Variants in ASZ1 observed in about 807,000 individuals in gnomAD.
The protein encoded by ASZ1 is ankyrin repeat, SAM and basic leucine zipper domain containing 1, also known as ankyrin repeat, SAM and basic leucine zipper domain-containing protein 1.
A neutral mutation model predicts 61.8 loss-of-function variants in ASZ1; 67 were observed. The ratio of observed to expected loss-of-function variants is 1.08; its 90% CI spans 0.89 to 1.33. The LOEUF (loss-of-function observed/expected upper bound fraction) is 1.33. ASZ1 is among the 40% of genes most tolerant of loss of function. The pLI, the probability that ASZ1 is intolerant of heterozygous loss-of-function variation, is 0.00. For missense variants in ASZ1, 577 were observed against 554.5 expected (o/e 1.04, Z -0.41); for synonymous variants, 193 against 192.7 (o/e 1.00, Z -0.01).
At chr7:117,379,571 G>A (rs1309242264) in intron 10 of ASZ1, among the ~76,000 whole-genome samples, 1 of 151,516 alleles carries the variant, frequency 6.6e-6, no homozygotes, top group African/African-American at 2.4e-5. Context: ...TTTTCTTATT[G>A]CCCTAAGTGA....
chr7:117,402,648 T>G (rs893012801), intron 4 of ASZ1, among the ~76,000 whole-genome samples: 2 of 152,168 alleles, frequency 1.3e-5, no homozygotes, highest in African/African-American at 4.8e-5. Context: ...CCATCTTGAC[T>G]AAGTGGTATA....
chr7:117,403,833 A>G (rs1339251393), intron 4 of ASZ1, among the ~76,000 whole-genome samples: 1 of 152,136 alleles, frequency 6.6e-6, no homozygotes, highest in Admixed American at 6.5e-5. Context: ...GGTGAGTGGC[A>G]GGTGAGCGAG....
At chr7:117,382,858 G>T in intron 7 of ASZ1, 128 bp downstream of exon 7, 5 of 1,066,318 alleles carry the variant, frequency 4.7e-6, no homozygotes, top group Non-Finnish European at 4.8e-6. Context: ...TAAAAACCCA[G>T]ACATTTAAAA....
chr7:117,368,516 C>A, intron 11 of ASZ1, 96 bp downstream of exon 11: 1 of 1,498,198 alleles, frequency 6.7e-7, no homozygotes, highest in East Asian at 2.4e-5. Context: ...GATGTAATTT[C>A]AGCAAATCAA....
chr7:117,411,452 G>A (rs1406898930), intron 4 of ASZ1, among the ~76,000 whole-genome samples: 1 of 151,784 alleles, frequency 6.6e-6, no homozygotes, highest in Non-Finnish European at 1.5e-5. Flanking sequence ...TTTTATCCAT[G>A]ATATTGTTCA....
At chr7:117,368,222 C>T in intron 11 of ASZ1, 1 of 963,036 alleles carries the variant, frequency 1.0e-6, no homozygotes. Flanking sequence ...CCACTATGCC[C>T]AGCCACTTAC....
chr7:117,365,998 G>A (rs572378411), intron 12 of ASZ1, among the ~76,000 whole-genome samples: 18 of 152,338 alleles, frequency 1.2e-4, no homozygotes, highest in Middle Eastern at 3.4e-3. Flanking sequence ...GCGCAATGGC[G>A]CACACCAGTA....
rs1364142134 is a variant in ASZ1 at position 117,363,663 on chromosome 7, G to A, written c.1361C>T (p.Thr454Ile). The A allele has an allele frequency of 1.2e-6, 2 of 1,609,952 alleles. No individual in the cohort carries two copies. The highest frequency in any genetic ancestry group is 1.7e-6 in the Non-Finnish European group (2 of 1,177,960). The change falls in exon 13 of 13, where the codon ACA (threonine) becomes ATA (isoleucine). Residue 454 changes from threonine (T) to isoleucine (I), a missense_variant. Physicochemically the swap from Thr to Ile is moderately conservative, Grantham distance 89. Transcript: ENST00000284629. ...ACCGAATCCGCATATGGTAATAGCTGTCCTCTTCAAAATTCTACTATTCCA... is the reference window on the plus strand; with the variant it reads ...ACCGAATCCGCATATGGTAATAGCTATCCTCTTCAAAATTCTACTATTCCA... The part of the protein sequence containing the change: ...STWNSRILKR[T>I]AITICGFGFL...
chr7:117,404,328 CT>C (rs746442030), intron 4 of ASZ1, among the ~76,000 whole-genome samples: 3,105 of 137,462 alleles, frequency 0.023, 99 homozygotes, highest in African/African-American at 0.075. Flanking sequence ...ATTAGGCTGT[CT>C]TTTTTTTTTT....
intron 5 of ASZ1, 29 bp from the exon 6 acceptor site, chr7:117,384,889 T>C: frequency 6.5e-7 from 1 of 1,538,618 alleles, no homozygotes; most frequent in South Asian, 1.3e-5. Context: ...GAAGATTGTT[T>C]AAAGAGAAGG....
intron 4 of ASZ1, among the ~76,000 whole-genome samples, chr7:117,409,704 G>A (rs1313905672): frequency 1.3e-5 from 2 of 151,660 alleles, no homozygotes; most frequent in Non-Finnish European, 3.0e-5. Flanking sequence ...ATATGTATAC[G>A]AGCTAAAACA....
chr7:117,415,716 G>GA (rs377340926), intron 4 of ASZ1, among the ~76,000 whole-genome samples: 1 of 150,872 alleles, frequency 6.6e-6, no homozygotes, highest in Non-Finnish European at 1.5e-5. Context: ...AAAGAAAACT[G>GA]AAAAAAATGA....
intron 4 of ASZ1, among the ~76,000 whole-genome samples, chr7:117,414,588 C>G (rs949280506): frequency 6.6e-6 from 1 of 152,074 alleles, no homozygotes; most frequent in African/African-American, 2.4e-5. Context: ...CACCCATAAA[C>G]CCGTCACCTA....
chr7:117,384,783 T>C lies in ASZ1; in HGVS notation c.630A>G (p.Leu210=), dbSNP rs1342956505. The change falls in exon 6 of 13, where the codon CTA becomes CTG. Residue 210 remains leucine (L), a synonymous_variant. Coordinates refer to ENST00000284629, the MANE Select transcript of ASZ1 (RefSeq NM_130768.3). ...KLLELGANKM[L]QTKDGKMPSE... ...TTGGCATCTTTCCATCTTTGGTTTG[T>C]AGCATTTTATTAGCTCCAAGTTCAA... 2 of 1,611,664 alleles carry C rather than the reference T, an allele frequency of 1.2e-6. No homozygotes were observed. The highest frequency in any genetic ancestry group is 8.5e-7 in the Non-Finnish European group (1 of 1,179,110).
chr7:117,376,979 AT>A (rs1796149281), intron 10 of ASZ1, among the ~76,000 whole-genome samples: 1 of 152,174 alleles, frequency 6.6e-6, no homozygotes, highest in Non-Finnish European at 1.5e-5. Context: ...AAAGGAAAAA[AT>A]TAACCTCTTT....
rs1439906516 is a variant in ASZ1, at chr7:117,401,379, C to A, written c.441-15570G>T. Among the ~76,000 whole-genome samples, 4 of 109,792 alleles carry A rather than the reference C, an allele frequency of 3.6e-5. No homozygotes were observed. The East Asian group carries it at 9.5e-4, about 26-fold the overall frequency. The allele number at this position is 109,792 out of a possible 152,430, so 72.0% of individuals were successfully genotyped here. A position where few individuals can be genotyped will look rare whatever the true frequency, so the allele number is the denominator to read the frequency against. On this transcript the variant is annotated intron_variant, in intron 4 of 12. Coordinates refer to ENST00000284629, the MANE Select transcript of ASZ1 (RefSeq NM_130768.3). The stretch of plus-strand genomic sequence containing the variant: ...TATACATAGGGATATCATAGCAAAG[C>A]TGTTTTTTTTTTTTTAAAAAAAAAG...
Position 117,426,765 on chromosome 7 carries a change from CT to C in ASZ1, c.205+70del, listed in dbSNP as rs200203334. The C allele has an allele frequency of 1.2e-3, 1,595 of 1,329,296 alleles. 21 individuals are homozygous for C. In the African/African-American group the frequency reaches 0.022, roughly 18 times the overall value. The allele number at this position is 1,329,296 out of a possible 1,614,324, so 82.3% of individuals were successfully genotyped here. On this transcript the variant is annotated intron_variant, in intron 2 of 12. Transcript: ENST00000284629. ...TTTCCATTAGAAAAGCAACATAAAC[CT>C]TTTAAAAATAAAGAATCCTTGCGAA...
At chr7:117,385,591 G>C in intron 5 of ASZ1, 107 bp downstream of exon 5, 1 of 899,918 alleles carries the variant, frequency 1.1e-6, no homozygotes, top group Non-Finnish European at 1.7e-6. Context: ...TCACCAGATA[G>C]CAATTATATT....
At chr7:117,395,619 T>A (rs536382935) in intron 4 of ASZ1, among the ~76,000 whole-genome samples, 1 of 152,152 alleles carries the variant, frequency 6.6e-6, no homozygotes, top group Non-Finnish European at 1.5e-5. Flanking sequence ...CTCAAGCTTT[T>A]CGTTTCTTGT....
Sources: gnomAD v4.1 joint callset for allele counts (sites outside exome capture counted in the v4.1 genomes callset) on GRCh38, gnomAD v4.1.1 for gene constraint, MANE v1.5 for transcripts, NCBI Gene and HGNC (gene_info 2026-07-23, HGNC 2026-07-21) for gene names.